ABCA4: variants seen among roughly 807,000 people sequenced by gnomAD.
The protein encoded by ABCA4 is retinal-specific phospholipid-transporting ATPase ABCA4.
Under a neutral mutation model 263.7 loss-of-function variants are expected in ABCA4, and 196 were observed. The observed-to-expected ratio is 0.74, with a 90% CI of 0.66 to 0.84. The LOEUF is 0.84. ABCA4 is among the 40% of genes least tolerant of loss of function. ABCA4 has a pLI of 0.00. For synonymous variants in ABCA4, 1,133 were observed against 1,094.2 expected, an observed-to-expected ratio of 1.04 and a Z score of -0.70; for missense variants, 2,792 against 2,855.1, an observed-to-expected ratio of 0.98 and a Z score of 0.50.
chr1:94,103,980 C>T (rs1415739166), intron 4 of ABCA4, among the ~76,000 whole-genome samples: 2 of 152,184 alleles, frequency 1.3e-5, no homozygotes, highest in Admixed American at 6.5e-5. Flanking sequence ...AGCCTGTCCC[C>T]GTGTCTGCAT....
intron 27 of ABCA4, 105 bp downstream of exon 27, chr1:94,031,673 C>A: frequency 6.9e-7 from 1 of 1,447,456 alleles, no homozygotes; most frequent in Non-Finnish European, 9.5e-7. Flanking sequence ...AAAGAGGGTG[C>A]TCCTTGCTGA....
intron 34 of ABCA4, 23 bp from the exon 35 acceptor site, chr1:94,021,432 G>C (rs369888377): frequency 2.5e-6 from 4 of 1,613,968 alleles, no homozygotes; most frequent in Non-Finnish European, 3.4e-6. Flanking sequence ...GAGGACATCT[G>C]AGACGCTGCA....
At chr1:94,094,540 C>G (rs942741597) in intron 6 of ABCA4, among the ~76,000 whole-genome samples, 8 of 152,112 alleles carry the variant, frequency 5.3e-5, no homozygotes, top group Non-Finnish European at 8.8e-5. Flanking sequence ...GCCCAAATGC[C>G]GAGGAGGCTG....
At chr1:94,091,909 T>C (rs771556991) in intron 6 of ABCA4, among the ~76,000 whole-genome samples, 2 of 152,204 alleles carry the variant, frequency 1.3e-5, no homozygotes, top group Non-Finnish European at 2.9e-5. Context: ...ATCAAAACCA[T>C]GTCTCTCCCT....
intron 1 of ABCA4, among the ~76,000 whole-genome samples, chr1:94,116,901 T>G (rs979778840): frequency 3.9e-5 from 6 of 151,992 alleles, no homozygotes; most frequent in Admixed American, 2.6e-4. Flanking sequence ...CAAACTGGTA[T>G]TTCCTTCTTT....
chr1:94,026,293 G>C (rs1176445677), intron 30 of ABCA4, among the ~76,000 whole-genome samples: 1 of 152,124 alleles, frequency 6.6e-6, no homozygotes, highest in African/African-American at 2.4e-5. Context: ...CCTGCCAGGA[G>C]GAGAGCTGGC....
Position 94,080,709 on chromosome 1 carries a change from G to A in ABCA4, c.868C>T (p.Arg290Trp), listed in dbSNP as rs781716640. 12 of 1,614,028 alleles carry A rather than the reference G, an allele frequency of 7.4e-6. No homozygotes were observed. Among genetic ancestry groups the A allele is most frequent in the African/African-American group, 2.7e-5 (2 of 74,894 alleles). The change falls in exon 8 of 50, where the codon CGG becomes TGG. Residue 290 changes from arginine (R) to tryptophan (W), a missense_variant. By Grantham distance (101) the Arg-to-Trp change is moderately radical (BLOSUM62 -3). Coordinates refer to ENST00000370225, the MANE Select transcript of ABCA4 (RefSeq NM_000350.3). ...CACAGCAAGTCCTGCATACTCGGCC[G>A]ATGGATAAACTAGGGCAAGGCAAAG... Reference protein sequence around the residue: ...MSPRIQEFIHRPSMQDLLWVT... With the variant: ...MSPRIQEFIHWPSMQDLLWVT...
At chr1:94,078,534 T>C (rs1226320891) in intron 10 of ABCA4, 56 bp downstream of exon 10, 3 of 1,234,184 alleles carry the variant, frequency 2.4e-6, no homozygotes, top group Non-Finnish European at 3.6e-6. Context: ...AGTGGAACTT[T>C]CTTGCCCCCA....
chr1:93,997,891 C>G lies in ABCA4; in HGVS notation c.6699G>C (p.Glu2233Asp). 6.2e-7 allele frequency: 1 copy of G among 1,614,058 alleles called. No homozygotes were observed. The highest frequency in any genetic ancestry group is 8.5e-7 in the Non-Finnish European group (1 of 1,179,986). Residue 2233 changes from glutamate (E) to aspartate (D), a missense_variant, in exon 48 of 50, where the codon GAG becomes GAC. By Grantham distance (45) the Glu-to-Asp change is conservative. Transcript: ENST00000370225. ...CCAGTGTGGTCTGTGTGACTGAGTA[C>G]TCCTCGATGAGCAGGCTGTCCTTGT... Reference protein sequence around the residue: ...LSHKDSLLIEEYSVTQTTLDQ... With the variant: ...LSHKDSLLIEDYSVTQTTLDQ...
intron 24 of ABCA4, among the ~76,000 whole-genome samples, chr1:94,038,965 ATAAAG>A (rs1660417320): frequency 6.6e-6 from 1 of 152,246 alleles, no homozygotes; most frequent in Non-Finnish European, 1.5e-5. Flanking sequence ...TTATTTAGAA[ATAAAG>A]TAATTTAAAA....
chr1:94,004,642 T>A (rs1036377505), intron 44 of ABCA4, among the ~76,000 whole-genome samples: 3 of 152,248 alleles, frequency 2.0e-5, no homozygotes, highest in East Asian at 3.8e-4. Context: ...TTAGGTTTTC[T>A]TTTTGTTTTC....
chr1:94,001,390 G>A, intron 45 of ABCA4: 1 of 548,650 alleles, frequency 1.8e-6, no homozygotes, highest in East Asian at 3.2e-5. Context: ...AGAAAATCCT[G>A]CAAATACATT....
chr1:94,003,467 T>C (rs1403945358), intron 44 of ABCA4, among the ~76,000 whole-genome samples: 1 of 152,166 alleles, frequency 6.6e-6, no homozygotes, highest in Non-Finnish European at 1.5e-5. Context: ...AATTGTGTCC[T>C]TCACAGGGTA....
At chr1:94,112,617 G>A (rs374143500) in intron 2 of ABCA4, among the ~76,000 whole-genome samples, 16 of 152,108 alleles carry the variant, frequency 1.1e-4, no homozygotes, top group African/African-American at 3.6e-4. Flanking sequence ...GGGCAATGTA[G>A]TGACTCTGTC....
intron 7 of ABCA4, among the ~76,000 whole-genome samples, chr1:94,082,721 T>C (rs1661734697): frequency 6.6e-6 from 1 of 152,222 alleles, no homozygotes; most frequent in African/African-American, 2.4e-5. Context: ...TTGAAGAGAA[T>C]TGTTTTTTTC....
At chr1:94,120,289 G>C (rs1662913237) in intron 1 of ABCA4, among the ~76,000 whole-genome samples, 1 of 152,162 alleles carries the variant, frequency 6.6e-6, no homozygotes, top group African/African-American at 2.4e-5. Context: ...GGTGGAATCT[G>C]TGTCGTGCTT....
chr1:94,083,542 C>A, intron 6 of ABCA4, 101 bp from the exon 7 acceptor site: 2 of 830,000 alleles, frequency 2.4e-6, no homozygotes, highest in Non-Finnish European at 2.0e-6. Context: ...AAACTCCCCC[C>A]CTCCTTCTTT....
intron 24 of ABCA4, 86 bp downstream of exon 24, chr1:94,039,957 T>A: frequency 8.5e-7 from 1 of 1,180,856 alleles, no homozygotes; most frequent in Non-Finnish European, 1.2e-6. Flanking sequence ...TTTGCTCCCA[T>A]TAAAATGCAT....
chr1:94,103,162 A>C lies in ABCA4; in HGVS notation c.443-20T>G, dbSNP rs749763598. 2 of 1,613,418 alleles carry C rather than the reference A, an allele frequency of 1.2e-6. No homozygotes were observed. The highest frequency in any genetic ancestry group is 1.7e-6 in the Non-Finnish European group (2 of 1,179,678). ...CTCTTCCTACATATGAATAAGAGAA[A>C]GAACAGGGTGTTGAAGGGGAAATGG... is the stretch of plus-strand genomic sequence containing the variant. On this transcript the variant is annotated intron_variant, in intron 4 of 49. Coordinates refer to ENST00000370225, the MANE Select transcript of ABCA4 (RefSeq NM_000350.3).
Sources: allele counts gnomAD v4.1 joint callset (sites outside exome capture counted in the v4.1 genomes callset), GRCh38; gene constraint gnomAD v4.1.1; transcripts MANE v1.5; gene names NCBI Gene and HGNC (gene_info 2026-07-23, HGNC 2026-07-21).